The following MAGI1 variants were observed in gnomAD, a reference collection of about 807,000 sequenced individuals.
MAGI1 encodes the protein membrane associated guanylate kinase, WW and PDZ domain containing 1, also known as membrane-associated guanylate kinase, WW and PDZ domain-containing protein 1.
A neutral mutation model predicts 139.9 loss-of-function variants in MAGI1; 58 were observed. The observed-to-expected ratio is 0.41, with a 90% CI of 0.34 to 0.52. The LOEUF (loss-of-function observed/expected upper bound fraction) is 0.52, where lower values mean the gene tolerates loss of function less well. Among genes scored for constraint, MAGI1 ranks in the 20% least tolerant of loss-of-function variants. MAGI1 has a pLI of 0.12. For missense variants in MAGI1, 1,874 were observed against 1,901.6 expected, an observed-to-expected ratio of 0.99 and a Z score of 0.27; for synonymous variants, 812 against 737.9, an observed-to-expected ratio of 1.10 and a Z score of -1.63.
intron 1 of MAGI1, among the ~76,000 whole-genome samples, chr3:65,631,065 A>C (rs1370566173): frequency 6.6e-6 from 1 of 152,136 alleles, no homozygotes; most frequent in East Asian, 1.9e-4. Flanking sequence ...GTAGAGGTGG[A>C]AGTCAGAAGA....
At chr3:65,782,556 C>T (rs2039013776) in intron 1 of MAGI1, among the ~76,000 whole-genome samples, 1 of 138,864 alleles carries the variant, frequency 7.2e-6, no homozygotes, top group South Asian at 2.3e-4. Context: ...TTGTTCCTAA[C>T]CCTTCTGGAC....
chr3:65,844,797 G>A (rs988097813), intron 1 of MAGI1, among the ~76,000 whole-genome samples: 3 of 152,110 alleles, frequency 2.0e-5, no homozygotes, highest in Non-Finnish European at 4.4e-5. Context: ...ATTAAATTAC[G>A]AAAAATGATA....
chr3:65,915,326 C>T (rs570372767), intron 1 of MAGI1, among the ~76,000 whole-genome samples: 2 of 152,304 alleles, frequency 1.3e-5, no homozygotes, highest in African/African-American at 4.8e-5. Flanking sequence ...AAGCATAAAT[C>T]CAAACACCAA....
At chr3:66,014,899 T>A (rs1026727869) in intron 1 of MAGI1, among the ~76,000 whole-genome samples, 1 of 152,246 alleles carries the variant, frequency 6.6e-6, no homozygotes, top group South Asian at 2.1e-4. Context: ...TTCCACCCCA[T>A]CTCTATAAAT....
In MAGI1 at chr3:66,037,934, G is replaced by A. The variant is rs193135419; in HGVS notation, c.313+62C>T. 8.0e-5 allele frequency: 121 copies of A among 1,513,010 alleles called. 2 individuals are homozygous for A. In the Admixed American group the frequency reaches 2.7e-3, roughly 34 times the overall value. 93.7% of individuals were successfully genotyped at this position (1,513,010 alleles called of 1,614,324 possible). On this transcript the variant is annotated intron_variant, in intron 1 of 22. Coordinates refer to ENST00000402939, the MANE Select transcript of MAGI1 (RefSeq NM_001033057.2). ...AGGGAAGCAGGAAATCGAGAATAAG[G>A]GGCAGCCCACAGACCACCCTCCTTT...
Position 65,805,326 on chromosome 3 carries a change from CGT to C in MAGI1, c.314-183240_314-183239del, listed in dbSNP as rs373672387. 1.4e-3 allele frequency among the ~76,000 whole-genome samples: 206 copies of C among 152,238 alleles called. 1 individual carries two copies. The highest frequency in any genetic ancestry group is 4.7e-3 in the African/African-American group (197 of 41,538). On this transcript the variant is annotated intron_variant, in intron 1 of 22. Transcript: ENST00000402939. Reference sequence around the variant, plus strand: ...AGAAGTCATTTATGCAGCCAACAAACGTATGAAAAAAAGCTCAACATCACTGA... The same window carrying C: ...AGAAGTCATTTATGCAGCCAACAAACATGAAAAAAAGCTCAACATCACTGA...
intron 1 of MAGI1, among the ~76,000 whole-genome samples, chr3:65,970,589 C>T (rs1278678967): frequency 6.6e-6 from 1 of 151,432 alleles, no homozygotes; most frequent in Non-Finnish European, 1.5e-5. Context: ...GCTCACAATT[C>T]TTTACAGCAT....
chr3:65,501,471 AAAAAT>A lies in MAGI1; in HGVS notation c.431-7845_431-7841del, dbSNP rs1393663696. Among the ~76,000 whole-genome samples, 59 of 151,686 alleles carry A rather than the reference AAAAAT, an allele frequency of 3.9e-4. 1 individual carries two copies. The highest frequency in any genetic ancestry group is 1.2e-3 in the African/African-American group (50 of 41,376). On this transcript the variant is annotated intron_variant, in intron 2 of 22. Transcript: ENST00000402939. ...TCTGTCTCAAAAAAAAAAAAAAAAA[AAAAAT>A]TTAAACATATTTGGGTAAAAAGTAA... is the stretch of plus-strand genomic sequence containing the variant.
intron 1 of MAGI1, among the ~76,000 whole-genome samples, chr3:66,017,051 T>G (rs1174898609): frequency 1.3e-5 from 2 of 152,220 alleles, no homozygotes; most frequent in Non-Finnish European, 2.9e-5. Context: ...TGGAGATGGA[T>G]GGTGGTAATA....
At chr3:65,922,607 C>T (rs903051479) in intron 1 of MAGI1, among the ~76,000 whole-genome samples, 4 of 152,176 alleles carry the variant, frequency 2.6e-5, no homozygotes, top group African/African-American at 9.6e-5. Flanking sequence ...CTTCAGACTT[C>T]TAGCTTCCAA....
At chr3:65,594,474 C>G (rs73835604) in intron 2 of MAGI1, among the ~76,000 whole-genome samples, 128 of 152,210 alleles carry the variant, frequency 8.4e-4, no homozygotes, top group African/African-American at 2.9e-3. Context: ...ACTTCAAAAG[C>G]CTAAAAGTCA....
intron 1 of MAGI1, among the ~76,000 whole-genome samples, chr3:65,981,934 T>C (rs1005947280): frequency 1.3e-5 from 2 of 152,164 alleles, no homozygotes; most frequent in Non-Finnish European, 2.9e-5. Context: ...ACTAATACAG[T>C]ATTAAATGCT....
At chr3:65,394,830 C>G (rs541907295) in intron 13 of MAGI1, among the ~76,000 whole-genome samples, 7 of 152,212 alleles carry the variant, frequency 4.6e-5, no homozygotes, top group African/African-American at 1.7e-4. Flanking sequence ...GTCTGGATCA[C>G]CTCCCAGAAG....
Position 65,844,501 on chromosome 3 carries a change from C to T in MAGI1, c.313+193495G>A. The T allele has an allele frequency of 1.0e-5, 3 of 297,016 alleles. No homozygotes were observed. The South Asian group carries it at 1.0e-4, about 10-fold the overall frequency. The allele number at this position is 297,016 out of a possible 1,614,324, so 18.4% of individuals were successfully genotyped here. On this transcript the variant is annotated intron_variant, in intron 1 of 22. Coordinates refer to ENST00000402939, the MANE Select transcript of MAGI1 (RefSeq NM_001033057.2). ...AATTTTAAATGTCTCGAGAACACTA[C>T]AAGCTATGTCCTCTTCTCAGAGAGC...
chr3:65,838,971 A>T (rs890388688), intron 1 of MAGI1, among the ~76,000 whole-genome samples: 1 of 152,336 alleles, frequency 6.6e-6, no homozygotes, highest in Non-Finnish European at 1.5e-5. Flanking sequence ...CCTAATGGTT[A>T]GTAATGTTGA....
chr3:65,715,358 T>A (rs1027032902), intron 1 of MAGI1, among the ~76,000 whole-genome samples: 13 of 152,210 alleles, frequency 8.5e-5, no homozygotes, highest in African/African-American at 1.2e-4. Context: ...AGGATTTTGA[T>A]TTTTTGTTTT....
intron 1 of MAGI1, among the ~76,000 whole-genome samples, chr3:65,778,866 C>G (rs576088071): frequency 4.6e-5 from 7 of 152,180 alleles, no homozygotes; most frequent in Admixed American, 3.9e-4. Flanking sequence ...AGGTCCTCAA[C>G]CAGGGACAGT....
chr3:65,781,356 C>G (rs547593914), intron 1 of MAGI1, among the ~76,000 whole-genome samples: 34 of 152,230 alleles, frequency 2.2e-4, no homozygotes, highest in African/African-American at 7.9e-4. Flanking sequence ...GCTAATGGCT[C>G]CATTTGATCA....
At chr3:65,983,494 T>C (rs1480847034) in intron 1 of MAGI1, among the ~76,000 whole-genome samples, 1 of 152,242 alleles carries the variant, frequency 6.6e-6, no homozygotes, top group Non-Finnish European at 1.5e-5. Flanking sequence ...TGAAAAGAAT[T>C]TCAACAGACA....
Sources: allele counts gnomAD v4.1 joint callset (sites outside exome capture counted in the v4.1 genomes callset), GRCh38; gene constraint gnomAD v4.1.1; transcripts MANE v1.5; gene names NCBI Gene and HGNC (gene_info 2026-07-23, HGNC 2026-07-21).